PARD6G: variants seen among roughly 807,000 people sequenced by gnomAD.
The protein encoded by PARD6G is par-6 family cell polarity regulator gamma.
Under a neutral mutation model 10.7 loss-of-function variants are expected in PARD6G, and 7 were observed. The ratio of observed to expected loss-of-function variants is 0.66; its 90% CI spans 0.37 to 1.23. The LOEUF (loss-of-function observed/expected upper bound fraction) is 1.23, where lower values mean the gene tolerates loss of function less well. Ranked by LOEUF, PARD6G falls within the 50% of genes most tolerant of loss-of-function variation. The probability of loss-of-function intolerance (pLI) is 0.02; values close to 1 mark genes in which losing one functional copy is unlikely to be tolerated. For missense variants in PARD6G, 548 were observed against 571.8 expected, an observed-to-expected ratio of 0.96 and a Z score of 0.42; for synonymous variants, 287 against 269.4, an observed-to-expected ratio of 1.07 and a Z score of -0.64.
chr18:80,165,442 G>A (rs567716261), intron 2 of PARD6G, among the ~76,000 whole-genome samples: 8 of 152,012 alleles, frequency 5.3e-5, no homozygotes, highest in Admixed American at 3.3e-4. Flanking sequence ...CTTTTTCAAG[G>A]TGCACTGATT....
chr18:80,188,429 C>A lies in PARD6G; in HGVS notation c.295+14281G>T, dbSNP rs746739945. Among the ~76,000 whole-genome samples, 3 of 152,172 alleles carry A rather than the reference C, an allele frequency of 2.0e-5. No individual in the cohort carries two copies. Among genetic ancestry groups the A allele is most frequent in the Non-Finnish European group, 4.4e-5 (3 of 68,024 alleles). ...GATGCAGTTCCAAGGACCTAGGCAC[C>A]TCCTCATGGTGCCTTCCACCTGCAA... is the stretch of plus-strand genomic sequence containing the variant. On this transcript the variant is annotated intron_variant, in intron 2 of 2. Coordinates refer to ENST00000353265, the MANE Select transcript of PARD6G (RefSeq NM_032510.4). This position sits in a 1 kb window ranked among gnomAD's most constrained non-coding sequence, Gnocchi z 5.4.
rs1452135605 is a variant in PARD6G at position 80,159,664 on chromosome 18, G to GT, written c.*106dup. The GT allele has an allele frequency of 1.5e-6, 2 of 1,306,912 alleles. No individual in the cohort carries two copies. Among genetic ancestry groups the GT allele is most frequent in the Non-Finnish European group, 2.0e-6 (2 of 1,024,230 alleles). The allele number at this position is 1,306,912 out of a possible 1,614,324, so 81.0% of individuals were successfully genotyped here. ...GGAAGTTGAAACAAAGAGCAGCGTT[G>GT]TTTTTGTGGTCACAAAAACAACAAA... On this transcript the variant is annotated 3_prime_UTR_variant, in exon 3 of 3. Transcript: ENST00000353265.
chr18:80,202,614 G>T (rs941443919), intron 2 of PARD6G, 96 bp downstream of exon 2: 2 of 1,039,212 alleles, frequency 1.9e-6, no homozygotes, highest in African/African-American at 1.6e-5. Context: ...GTTAGAAAAC[G>T]AACCACATAG....
intron 1 of PARD6G, among the ~76,000 whole-genome samples, chr18:80,236,558 A>T (rs1310183202): frequency 3.9e-5 from 6 of 152,202 alleles, no homozygotes; most frequent in Admixed American, 3.9e-4. Flanking sequence ...GAGGAAGTCA[A>T]ATTGTCCCCG....
intron 1 of PARD6G, among the ~76,000 whole-genome samples, chr18:80,244,219 T>A (rs1016662494): frequency 6.6e-6 from 1 of 151,960 alleles, no homozygotes; most frequent in Non-Finnish European, 1.5e-5. Context: ...CCACGGCAGG[T>A]CCTGTGGAAG....
At chr18:80,199,277 C>G (rs571555670) in intron 2 of PARD6G, among the ~76,000 whole-genome samples, 1 of 152,330 alleles carries the variant, frequency 6.6e-6, no homozygotes, top group African/African-American at 2.4e-5. Flanking sequence ...AATATGGGAA[C>G]TTTTATGTCC....
chr18:80,186,703 C>T (rs1212245202), intron 2 of PARD6G, among the ~76,000 whole-genome samples: 1 of 152,154 alleles, frequency 6.6e-6, no homozygotes, highest in Non-Finnish European at 1.5e-5. Flanking sequence ...ATCAGCATTT[C>T]GTCTGTAGCT....
intron 1 of PARD6G, among the ~76,000 whole-genome samples, chr18:80,219,252 A>G (rs1218146937): frequency 6.6e-6 from 1 of 152,084 alleles, no homozygotes; most frequent in East Asian, 1.9e-4. Flanking sequence ...CTCTTGTCCC[A>G]GACTGGAGTG....
chr18:80,160,658 C>A, intron 2 of PARD6G, 52 bp from the exon 3 acceptor site: 4 of 1,427,536 alleles, frequency 2.8e-6, no homozygotes, highest in Non-Finnish European at 3.6e-6. Context: ...CCCGCCTGAG[C>A]CCTCGGCCGT....
chr18:80,163,280 C>T (rs2145242219), intron 2 of PARD6G, among the ~76,000 whole-genome samples: 1 of 152,238 alleles, frequency 6.6e-6, no homozygotes, highest in African/African-American at 2.4e-5. Flanking sequence ...TTATGCAGGG[C>T]AGGTGAGGCC....
intron 1 of PARD6G, among the ~76,000 whole-genome samples, chr18:80,232,534 C>T (rs1967371051): frequency 6.6e-6 from 1 of 152,108 alleles, no homozygotes; most frequent in African/African-American, 2.4e-5. Context: ...AAAGTGGAAA[C>T]CCCTGATAAA....
At chr18:80,239,692 T>C (rs1020953981) in intron 1 of PARD6G, among the ~76,000 whole-genome samples, 30 of 152,328 alleles carry the variant, frequency 2.0e-4, no homozygotes, top group African/African-American at 7.0e-4. Context: ...AATAGCTATG[T>C]GGGCTTTTAA....
intron 2 of PARD6G, among the ~76,000 whole-genome samples, chr18:80,165,604 T>C (rs1041403521): frequency 6.6e-6 from 1 of 152,246 alleles, no homozygotes; most frequent in African/African-American, 2.4e-5. Flanking sequence ...ATTTGGGAAC[T>C]GATAAATGTC....
rs35217634 is a variant in PARD6G at position 80,177,218 on chromosome 18, G to GCACACACACACACA, written c.296-16626_296-16613dup. Among the ~76,000 whole-genome samples the GCACACACACACACA allele has an allele frequency of 3.1e-3, 309 of 98,882 alleles. 7 individuals are homozygous for GCACACACACACACA. Among genetic ancestry groups the GCACACACACACACA allele is most frequent in the Non-Finnish European group, 4.2e-3 (227 of 54,068 alleles). The allele number at this position is 98,882 out of a possible 152,430, so 64.9% of individuals were successfully genotyped here. A position where few individuals can be genotyped will look rare whatever the true frequency, so the allele number is the denominator to read the frequency against. On this transcript the variant is annotated intron_variant, in intron 2 of 2. Coordinates refer to ENST00000353265, the MANE Select transcript of PARD6G (RefSeq NM_032510.4). ...ATAAATCACAGCCTAAATGGGAAGC[G>GCACACACACACACA]CACACACACACACACACACACACAC...
At chr18:80,199,912 T>C (rs758297070) in intron 2 of PARD6G, among the ~76,000 whole-genome samples, 1 of 152,226 alleles carries the variant, frequency 6.6e-6, no homozygotes, top group Non-Finnish European at 1.5e-5. Flanking sequence ...CCCAAAGTGC[T>C]GGGATTACAG....
chr18:80,203,895 A>G (rs1342871995), intron 1 of PARD6G, among the ~76,000 whole-genome samples: 1 of 152,200 alleles, frequency 6.6e-6, no homozygotes, highest in African/African-American at 2.4e-5. Flanking sequence ...AGTCCAAGGG[A>G]GACAGGATGA....
intron 1 of PARD6G, among the ~76,000 whole-genome samples, chr18:80,226,800 G>C (rs1201739219): frequency 6.6e-6 from 1 of 152,142 alleles, no homozygotes; most frequent in Non-Finnish European, 1.5e-5. Flanking sequence ...AAAATTTGCT[G>C]AGGAGCAGGT....
chr18:80,217,756 C>A (rs975598970), intron 1 of PARD6G, among the ~76,000 whole-genome samples: 2 of 152,140 alleles, frequency 1.3e-5, no homozygotes, highest in Non-Finnish European at 2.9e-5. Context: ...TTAGTCCGTT[C>A]TCATGCTGCT....
Position 80,231,048 on chromosome 18 carries a change from A to G in PARD6G, c.72+16229T>C, listed in dbSNP as rs1967352575. Among the ~76,000 whole-genome samples, 1 of 152,148 alleles carries G rather than the reference A, an allele frequency of 6.6e-6. No homozygotes were observed. The highest frequency in any genetic ancestry group is 2.4e-5 in the African/African-American group (1 of 41,464). ...TGATGGGAGAGAGAATTCCAAATGG[A>G]AGGTCAGGGACAAGGGGTGCCCTTT... On this transcript the variant is annotated intron_variant, in intron 1 of 2. Transcript: ENST00000353265. The surrounding 1 kb of genome is among the most constrained non-coding windows in gnomAD (Gnocchi z 4.2).
Sources: gnomAD v4.1 joint callset for allele counts (sites outside exome capture counted in the v4.1 genomes callset) on GRCh38, gnomAD v4.1.1 for gene constraint, Gnocchi (gnomAD v3.1) non-coding constraint, MANE v1.5 for transcripts, NCBI Gene and HGNC (gene_info 2026-07-23, HGNC 2026-07-21) for gene names.